The following PSMD14 variants were observed in gnomAD, a reference collection of about 807,000 sequenced individuals.
The protein encoded by PSMD14 is ubiquitin C-terminal hydrolase PSMD14.
A neutral mutation model predicts 41.2 loss-of-function variants in PSMD14; 7 were observed. The ratio of observed to expected loss-of-function variants is 0.17; its 90% confidence interval spans 0.10 to 0.32. The LOEUF (loss-of-function observed/expected upper bound fraction) is 0.32, where lower values mean the gene tolerates loss of function less well. Among genes scored for constraint, PSMD14 ranks in the 10% least tolerant of loss-of-function variants. The pLI, the probability that PSMD14 is intolerant of heterozygous loss-of-function variation, is 1.00. For missense variants in PSMD14, 139 were observed against 375.6 expected (o/e 0.37, Z 5.21); for synonymous variants, 114 against 122.3 (o/e 0.93, Z 0.45).
chr2:161,393,081 A>G (rs1490294728), intron 9 of PSMD14, among the ~76,000 whole-genome samples: 1 of 152,154 alleles, frequency 6.6e-6, no homozygotes, highest in Non-Finnish European at 1.5e-5. Context: ...TGGTAACAAA[A>G]GCTCTGCCTT....
chr2:161,369,984 G>T (rs1175987719), intron 5 of PSMD14, 123 bp from the exon 6 acceptor site: 9 of 625,282 alleles, frequency 1.4e-5, no homozygotes, highest in Admixed American at 3.2e-5. Context: ...AATGACTTGA[G>T]TAGGTATCAA....
chr2:161,320,613 A>G (rs910857002), intron 3 of PSMD14, among the ~76,000 whole-genome samples: 7 of 151,858 alleles, frequency 4.6e-5, no homozygotes, highest in African/African-American at 1.7e-4. Context: ...CTAAAATTTT[A>G]TTTTATCTTG....
chr2:161,397,443 C>G (rs1683816457), intron 10 of PSMD14, among the ~76,000 whole-genome samples: 1 of 152,078 alleles, frequency 6.6e-6, no homozygotes. Flanking sequence ...GTACCATTAG[C>G]ATTTTCAATT....
intron 3 of PSMD14, chr2:161,340,713 G>C: frequency 1.3e-6 from 2 of 1,577,860 alleles, no homozygotes; most frequent in Non-Finnish European, 1.7e-6. Context: ...CATGCACCCT[G>C]GGCGCCTGCC....
chr2:161,315,867 G>A (rs1689142144), intron 1 of PSMD14, among the ~76,000 whole-genome samples: 1 of 124,930 alleles, frequency 8.0e-6, no homozygotes, highest in African/African-American at 3.1e-5. Flanking sequence ...TTTTGAGACC[G>A]AGTTTCACTC....
intron 8 of PSMD14, among the ~76,000 whole-genome samples, chr2:161,389,912 T>TTTTTTTTTA (rs1299369817): frequency 7.7e-6 from 1 of 130,290 alleles, no homozygotes; most frequent in African/African-American, 3.3e-5. Context: ...TTTTTTTTTT[T>TTTTTTTTTA]AGAGATGGGG....
At chr2:161,360,582 T>C (rs1164657945) in intron 3 of PSMD14, among the ~76,000 whole-genome samples, 1 of 152,190 alleles carries the variant, frequency 6.6e-6, no homozygotes. Flanking sequence ...TTTGAACTCC[T>C]GACCTCAGGT....
chr2:161,364,964 C>T (rs894124077), intron 3 of PSMD14, among the ~76,000 whole-genome samples: 1 of 151,960 alleles, frequency 6.6e-6, no homozygotes, highest in African/African-American at 2.4e-5. Flanking sequence ...ATCAGCCTGG[C>T]GTGGTGACAT....
At chr2:161,400,912 CTG>C (rs1249576391) in intron 10 of PSMD14, among the ~76,000 whole-genome samples, 2 of 151,856 alleles carry the variant, frequency 1.3e-5, no homozygotes, top group Non-Finnish European at 2.9e-5. Context: ...AGACACTAGT[CTG>C]TTTTATCATT....
At chr2:161,396,026 T>G (rs1296021013) in intron 10 of PSMD14, among the ~76,000 whole-genome samples, 6 of 152,188 alleles carry the variant, frequency 3.9e-5, no homozygotes, top group Non-Finnish European at 1.5e-5. Context: ...TCTACTCTTG[T>G]AGTTAGACAT....
At chr2:161,381,283 T>C (rs1683567771) in intron 7 of PSMD14, 1 of 150,496 alleles carries the variant, frequency 6.6e-6, no homozygotes, top group South Asian at 2.1e-4. Context: ...TATAGTGAGC[T>C]GACTTGAGGT....
intron 3 of PSMD14, among the ~76,000 whole-genome samples, chr2:161,337,917 ACTT>A (rs1216335862): frequency 1.3e-5 from 2 of 152,224 alleles, no homozygotes; most frequent in Admixed American, 6.5e-5. Context: ...CTCTCTGACT[ACTT>A]AATTGTTACA....
chr2:161,395,367 T>G (rs1435690818), intron 10 of PSMD14, among the ~76,000 whole-genome samples, 164 bp downstream of exon 10: 1 of 152,214 alleles, frequency 6.6e-6, no homozygotes, highest in Non-Finnish European at 1.5e-5. Flanking sequence ...ACCCTTGCCT[T>G]TGTAATGCAA....
At chr2:161,404,039 A>G (rs950559671) in intron 10 of PSMD14, among the ~76,000 whole-genome samples, 1 of 151,590 alleles carries the variant, frequency 6.6e-6, no homozygotes, top group Admixed American at 6.6e-5. Flanking sequence ...CTGAGTAGCT[A>G]GGACTCCAAG....
intron 10 of PSMD14, among the ~76,000 whole-genome samples, chr2:161,400,746 C>G (rs1040113422): frequency 1.3e-5 from 2 of 151,834 alleles, no homozygotes; most frequent in East Asian, 3.9e-4. Flanking sequence ...GGGTTTCACT[C>G]TGTTGCCTAG....
At chr2:161,403,191 C>A (rs1683904223) in intron 10 of PSMD14, among the ~76,000 whole-genome samples, 1 of 152,126 alleles carries the variant, frequency 6.6e-6, no homozygotes, top group Non-Finnish European at 1.5e-5. Context: ...TATGTACTTA[C>A]AACATACTAT....
At chr2:161,395,613 A>C (rs777731532) in intron 10 of PSMD14, among the ~76,000 whole-genome samples, 2 of 152,224 alleles carry the variant, frequency 1.3e-5, no homozygotes, top group East Asian at 3.8e-4. Context: ...AATTTATTTT[A>C]TGAACGTTTC....
At chr2:161,340,943 C>G (rs1331508703) in intron 3 of PSMD14, 10 of 1,613,338 alleles carry the variant, frequency 6.2e-6, no homozygotes, top group Admixed American at 1.7e-5. Flanking sequence ...CAGGCCCTTC[C>G]GATGATGGCC....
chr2:161,340,927 C>G (rs1247838477), intron 3 of PSMD14: 56 of 1,613,684 alleles, frequency 3.5e-5, no homozygotes, highest in South Asian at 6.6e-5. Flanking sequence ...TCTCCGTCCT[C>G]CTCCTCAGGC....
Sources: allele counts gnomAD v4.1 joint callset (sites outside exome capture counted in the v4.1 genomes callset), GRCh38; gene constraint gnomAD v4.1.1; transcripts MANE v1.5; gene names NCBI Gene and HGNC (gene_info 2026-07-23, HGNC 2026-07-21).